The following REV1 variants were observed in gnomAD, a reference collection of about 807,000 sequenced individuals.
REV1 encodes the protein REV1 DNA directed polymerase, also known as translesion synthesis protein REV1.
In REV1, 42 loss-of-function variants were observed where a neutral mutation model predicts 137.4. The observed-to-expected ratio is 0.31, with a 90% CI of 0.24 to 0.40. The LOEUF (loss-of-function observed/expected upper bound fraction) is 0.40. Among genes scored for constraint, REV1 ranks in the 10% least tolerant of loss-of-function variants. The pLI is 1.00. For synonymous variants in REV1, 524 were observed against 519.2 expected (o/e 1.01, Z -0.12); for missense variants, 1,282 against 1,490.1 (o/e 0.86, Z 2.30).
At chr2:99,419,117 A>G (rs1678291600) in intron 11 of REV1, among the ~76,000 whole-genome samples, 170 bp from the exon 12 acceptor site, 1 of 152,152 alleles carries the variant, frequency 6.6e-6, no homozygotes, top group Non-Finnish European at 1.5e-5. Flanking sequence ...TATAACCAAC[A>G]GAGTACCTGG....
chr2:99,415,325 G>T (rs574394952), intron 12 of REV1, among the ~76,000 whole-genome samples: 2 of 152,176 alleles, frequency 1.3e-5, no homozygotes, highest in African/African-American at 4.8e-5. Context: ...AAATCTCAAC[G>T]AAGAGAGAGT....
intron 17 of REV1, 109 bp downstream of exon 17, chr2:99,405,801 G>A (rs1175943195): frequency 9.3e-6 from 7 of 755,720 alleles, no homozygotes; most frequent in Non-Finnish European, 1.3e-5. Context: ...CCCTTTCTTG[G>A]TTAAACGGAT....
At chr2:99,482,683 G>A (rs566915734) in intron 1 of REV1, among the ~76,000 whole-genome samples, 1 of 152,128 alleles carries the variant, frequency 6.6e-6, no homozygotes, top group Admixed American at 6.5e-5. Flanking sequence ...ATAAAACGTT[G>A]TGTTTGCTTC....
intron 1 of REV1, among the ~76,000 whole-genome samples, chr2:99,473,946 G>A (rs1422265669): frequency 6.6e-6 from 1 of 152,130 alleles, no homozygotes; most frequent in Non-Finnish European, 1.5e-5. Flanking sequence ...ATCCTGCTAG[G>A]TGTTCCTTTT....
chr2:99,489,573 G>T (rs1218314426), intron 1 of REV1, among the ~76,000 whole-genome samples: 1 of 148,742 alleles, frequency 6.7e-6, no homozygotes, highest in African/African-American at 2.4e-5. Context: ...TGACGGAAGG[G>T]AAGGGGAGGG....
intron 1 of REV1, among the ~76,000 whole-genome samples, chr2:99,465,523 A>G (rs1242090201): frequency 6.6e-6 from 1 of 152,236 alleles, no homozygotes; most frequent in Non-Finnish European, 1.5e-5. Context: ...CTATAATAGT[A>G]AATCTGTCAT....
intron 15 of REV1, 59 bp downstream of exon 15, chr2:99,407,970 C>T (rs111764574): frequency 1.9e-6 from 2 of 1,054,878 alleles, no homozygotes; most frequent in Non-Finnish European, 1.4e-6. Context: ...GAGAGCAAGC[C>T]TCAAAAATGA....
intron 6 of REV1, chr2:99,436,619 T>G (rs1680786000): frequency 6.6e-6 from 1 of 152,254 alleles, no homozygotes; most frequent in Non-Finnish European, 1.5e-5. Context: ...TATACCACAT[T>G]TAAGGAGATA....
chr2:99,401,052 T>G lies in REV1; in HGVS notation c.*189A>C, dbSNP rs573357957. ...AAATAGAATCTATGCTACAGTAAAA[T>G]AATTAACACAATTATTTACATGCAA... On this transcript the variant is annotated 3_prime_UTR_variant, in exon 23 of 23. Transcript: ENST00000258428. 4 of 388,580 alleles carry G rather than the reference T, an allele frequency of 1.0e-5. No individual in the cohort carries two copies. The East Asian group carries it at 2.0e-4, about 19-fold the overall frequency. 24.1% of individuals were successfully genotyped at this position (388,580 alleles called of 1,614,324 possible).
chr2:99,418,054 G>A (rs187322557), intron 12 of REV1, among the ~76,000 whole-genome samples: 131 of 152,238 alleles, frequency 8.6e-4, no homozygotes, highest in African/African-American at 2.9e-3. Context: ...CATTTCTGTC[G>A]TTTAATATTT....
intron 1 of REV1, among the ~76,000 whole-genome samples, chr2:99,471,826 T>C (rs995431274): frequency 3.4e-5 from 5 of 146,176 alleles, no homozygotes; most frequent in African/African-American, 1.0e-4. Context: ...CATTAATCAC[T>C]ATGGAAATGC....
At chr2:99,479,340 A>C (rs1043176685) in intron 1 of REV1, among the ~76,000 whole-genome samples, 8 of 151,436 alleles carry the variant, frequency 5.3e-5, no homozygotes, top group Admixed American at 1.3e-4. Flanking sequence ...AAAAAAAAAA[A>C]AAAACAAAAA....
Position 99,401,384 on chromosome 2 carries a change from G to T in REV1, c.3645-32C>A, listed in dbSNP as rs774469433. On this transcript the variant is annotated intron_variant, in intron 22 of 22. Transcript: ENST00000258428. ...GTGGGGAGAGAAGAAATGTCATTAG[G>T]AATTAGGAAAGGTCCTTAAGACTAA... is the stretch of plus-strand genomic sequence containing the variant. 3 of 1,441,800 alleles carry T rather than the reference G, an allele frequency of 2.1e-6. No individual in the cohort carries two copies. The African/African-American group carries it at 4.2e-5, about 20-fold the overall frequency. The allele number at this position is 1,441,800 out of a possible 1,614,324, so 89.3% of individuals were successfully genotyped here. A position where few individuals can be genotyped will look rare whatever the true frequency, so the allele number is the denominator to read the frequency against.
At chr2:99,413,781 T>C (rs957006516) in intron 12 of REV1, among the ~76,000 whole-genome samples, 2 of 152,208 alleles carry the variant, frequency 1.3e-5, no homozygotes, top group Non-Finnish European at 2.9e-5. Context: ...AGGGAAACTA[T>C]AATGCTTATT....
chr2:99,425,967 T>C (rs959968328), intron 9 of REV1, among the ~76,000 whole-genome samples: 1 of 151,222 alleles, frequency 6.6e-6, no homozygotes, highest in Non-Finnish European at 1.5e-5. Context: ...ACCTGGAGGG[T>C]GGAGGTTGCA....
chr2:99,472,293 T>C (rs369014279), intron 1 of REV1, among the ~76,000 whole-genome samples: 2 of 152,292 alleles, frequency 1.3e-5, no homozygotes, highest in East Asian at 3.9e-4. Context: ...GTAAGTGAAA[T>C]AAACCATTCA....
At chr2:99,411,795 C>G (rs1290609015) in intron 13 of REV1, among the ~76,000 whole-genome samples, 1 of 151,956 alleles carries the variant, frequency 6.6e-6, no homozygotes, top group African/African-American at 2.4e-5. Flanking sequence ...AATGTGTGTT[C>G]CAACACTGTG....
chr2:99,404,398 G>C, intron 18 of REV1, 46 bp downstream of exon 18: 1 of 1,503,710 alleles, frequency 6.7e-7, no homozygotes, highest in Non-Finnish European at 9.2e-7. Flanking sequence ...GAGCAGGGGG[G>C]TGAGAATATT....
At chr2:99,437,837 A>G (rs1463643927) in intron 6 of REV1, among the ~76,000 whole-genome samples, 2 of 152,172 alleles carry the variant, frequency 1.3e-5, no homozygotes, top group African/African-American at 4.8e-5. Context: ...GCACATAGGA[A>G]TACATCAAAC....
Sources: allele counts gnomAD v4.1 joint callset (sites outside exome capture counted in the v4.1 genomes callset), GRCh38; gene constraint gnomAD v4.1.1; transcripts MANE v1.5; gene names NCBI Gene and HGNC (gene_info 2026-07-23, HGNC 2026-07-21).